Variants in SMCHD1 observed in about 807,000 individuals in gnomAD.
SMCHD1 encodes the protein structural maintenance of chromosomes flexible hinge domain-containing protein 1.
A neutral mutation model predicts 254.7 loss-of-function variants in SMCHD1; 78 were observed. The observed-to-expected ratio is 0.31, with a 90% CI of 0.26 to 0.37. The LOEUF (loss-of-function observed/expected upper bound fraction) is 0.37, where lower values mean the gene tolerates loss of function less well. SMCHD1 is among the 10% of genes least tolerant of loss of function. SMCHD1 has a pLI of 1.00. For missense variants in SMCHD1, 1,840 were observed against 2,408.1 expected, an observed-to-expected ratio of 0.76 and a Z score of 4.94; for synonymous variants, 766 against 794.9, an observed-to-expected ratio of 0.96 and a Z score of 0.61.
At chr18:2,792,703 A>T (rs1448537213) in intron 45 of SMCHD1, among the ~76,000 whole-genome samples, 2 of 152,210 alleles carry the variant, frequency 1.3e-5, no homozygotes, top group Non-Finnish European at 2.9e-5. Flanking sequence ...TATTGCTTTC[A>T]TACTTGATTT....
At chr18:2,657,391 C>A (rs1255464912) in intron 1 of SMCHD1, among the ~76,000 whole-genome samples, 1 of 152,194 alleles carries the variant, frequency 6.6e-6, no homozygotes, top group Non-Finnish European at 1.5e-5. Context: ...TGTGCCTGAA[C>A]GTAGTAGATT....
chr18:2,656,795 C>T (rs561270986), intron 1 of SMCHD1, among the ~76,000 whole-genome samples: 205 of 152,132 alleles, frequency 1.3e-3, no homozygotes, highest in African/African-American at 4.7e-3. Flanking sequence ...TGGGGCGGGG[C>T]GGCGGGGGGG....
At chr18:2,665,782 A>G (rs1170643231) in intron 1 of SMCHD1, among the ~76,000 whole-genome samples, 1 of 152,132 alleles carries the variant, frequency 6.6e-6, no homozygotes, top group Non-Finnish European at 1.5e-5. Flanking sequence ...GTCTATATGA[A>G]CATGAGTTAT....
intron 14 of SMCHD1, 103 bp from the exon 15 acceptor site, chr18:2,706,261 A>G: frequency 1.4e-6 from 1 of 713,346 alleles, no homozygotes; most frequent in South Asian, 2.2e-5. Context: ...GTACTTAATT[A>G]GGATAAAATA....
At chr18:2,729,723 T>A (rs534990009) in intron 24 of SMCHD1, among the ~76,000 whole-genome samples, 5 of 151,244 alleles carry the variant, frequency 3.3e-5, no homozygotes, top group African/African-American at 7.3e-5. Context: ...TTTTTTTTTT[T>A]AAAGAGATAG....
intron 32 of SMCHD1, among the ~76,000 whole-genome samples, chr18:2,750,973 T>C (rs2075559445): frequency 6.6e-6 from 1 of 152,098 alleles, no homozygotes; most frequent in Middle Eastern, 3.2e-3. Flanking sequence ...TTATATATAT[T>C]GATCTTTTGG....
intron 1 of SMCHD1, among the ~76,000 whole-genome samples, chr18:2,662,812 C>T (rs572952619): frequency 3.3e-5 from 5 of 151,946 alleles, no homozygotes; most frequent in Admixed American, 6.6e-5. Context: ...TAGAATCTTC[C>T]CAGTCAGTTT....
At chr18:2,751,206 G>A in intron 32 of SMCHD1, 72 bp from the exon 33 acceptor site, 2 of 761,896 alleles carry the variant, frequency 2.6e-6, no homozygotes, top group Non-Finnish European at 4.3e-6. Context: ...TTTGCTTTAA[G>A]GCATACAATT....
rs2074510502 is a variant in SMCHD1, at chr18:2,706,253, A to G, written c.1957-111A>G. On this transcript the variant is annotated intron_variant, in intron 14 of 47. Transcript: ENST00000320876. ...TAAGAATAGCTACTGTTATTTATGT[A>G]CTTAATTAGGATAAAATATATTTCT... The G allele has an allele frequency of 1.6e-5, 11 of 673,396 alleles. No individual in the cohort carries two copies. In the South Asian group the frequency reaches 2.0e-4, roughly 12 times the overall value. 41.7% of individuals were successfully genotyped at this position (673,396 alleles called of 1,614,324 possible). A position where few individuals can be genotyped will look rare whatever the true frequency, so the allele number is the denominator to read the frequency against.
intron 10 of SMCHD1, among the ~76,000 whole-genome samples, chr18:2,698,448 G>A (rs1242964546): frequency 2.6e-5 from 4 of 152,018 alleles, no homozygotes; most frequent in African/African-American, 9.7e-5. Flanking sequence ...ATATAAATCT[G>A]TAGCTTTTTT....
chr18:2,792,584 G>GT (rs1416122847), intron 45 of SMCHD1, among the ~76,000 whole-genome samples: 6 of 152,144 alleles, frequency 3.9e-5, no homozygotes, highest in African/African-American at 1.2e-4. Context: ...AGGGACTACT[G>GT]TAATACATAG....
rs1475601155 is a variant in SMCHD1, at chr18:2,692,465, T to A, written c.874-2062T>A. On this transcript the variant is annotated intron_variant, in intron 7 of 47. Coordinates refer to ENST00000320876, the MANE Select transcript of SMCHD1 (RefSeq NM_015295.3). Reference sequence around the variant, plus strand: ...CTTCCTCTCAACTACCCTTTACAATTACTGGCATCCACTAGCCATGCAGTT... The same window carrying A: ...CTTCCTCTCAACTACCCTTTACAATAACTGGCATCCACTAGCCATGCAGTT... 2.6e-5 allele frequency among the ~76,000 whole-genome samples: 4 copies of A among 152,224 alleles called. No individual in the cohort carries two copies. In the East Asian group the frequency reaches 7.7e-4, roughly 29 times the overall value.
intron 47 of SMCHD1, among the ~76,000 whole-genome samples, chr18:2,798,790 A>G (rs919604681): frequency 2.6e-5 from 4 of 152,216 alleles, no homozygotes; most frequent in Non-Finnish European, 5.9e-5. Context: ...TTAAAGAAGT[A>G]TTTTATGAAC....
chr18:2,710,150 A>G (rs886781522), intron 17 of SMCHD1, among the ~76,000 whole-genome samples: 6 of 152,214 alleles, frequency 3.9e-5, no homozygotes, highest in African/African-American at 1.2e-4. Flanking sequence ...TTTGTCAAAG[A>G]CTATACTTTC....
At chr18:2,785,262 A>G (rs1259982456) in intron 45 of SMCHD1, among the ~76,000 whole-genome samples, 2 of 152,130 alleles carry the variant, frequency 1.3e-5, no homozygotes, top group Non-Finnish European at 2.9e-5. Context: ...GATACACTCA[A>G]CTCTACTTTC....
In SMCHD1 at chr18:2,775,693, ATG is replaced by A. The variant is rs60477392; in HGVS notation, c.5176-40_5176-39del. The A allele has an allele frequency of 1.6e-3, 2,397 of 1,534,414 alleles. 42 individuals are homozygous for A. The African/African-American group carries it at 0.03, about 19-fold the overall frequency. The stretch of plus-strand genomic sequence containing the variant: ...TTAACATAATATCAAATTTTTATAT[ATG>A]GATTTTATATTTTTTTACTTTATGA... On this transcript the variant is annotated intron_variant, in intron 41 of 47. Transcript: ENST00000320876.
intron 34 of SMCHD1, among the ~76,000 whole-genome samples, chr18:2,754,422 A>G (rs2075634455): frequency 6.6e-6 from 1 of 152,256 alleles, no homozygotes; most frequent in Non-Finnish European, 1.5e-5. Context: ...TCCAAGGGAA[A>G]GCAGACACAG....
chr18:2,729,709 CTTTTTTT>C, intron 24 of SMCHD1, among the ~76,000 whole-genome samples: 1 of 140,502 alleles, frequency 7.1e-6, no homozygotes, highest in Non-Finnish European at 1.6e-5. Context: ...TATTCTTTCG[CTTTTTTT>C]TTTTTTTAAA....
chr18:2,677,153 A>AGTATTTTATTATGAACATTT (rs2073771520), intron 5 of SMCHD1, among the ~76,000 whole-genome samples: 1 of 33,748 alleles, frequency 3.0e-5, no homozygotes, highest in Non-Finnish European at 1.4e-4. Flanking sequence ...ATGAACATTT[A>AGTATTTTATTATGAACATTT]AAAACATACA....
Sources: allele counts gnomAD v4.1 joint callset (sites outside exome capture counted in the v4.1 genomes callset), GRCh38; gene constraint gnomAD v4.1.1; transcripts MANE v1.5; gene names NCBI Gene and HGNC (gene_info 2026-07-23, HGNC 2026-07-21).